LRRC28: variants seen among roughly 807,000 people sequenced by gnomAD.
LRRC28 encodes leucine rich repeat containing 28.
In LRRC28, 39 loss-of-function variants were observed where a neutral mutation model predicts 45.7. The observed-to-expected ratio is 0.85, with a 90% CI of 0.66 to 1.12. LRRC28 has a LOEUF of 1.12. Ranked by LOEUF, LRRC28 falls within the 50% of genes most tolerant of loss-of-function variation. LRRC28 has a pLI of 0.00. For synonymous variants in LRRC28, 206 were observed against 178.8 expected, an observed-to-expected ratio of 1.15 and a Z score of -1.22; for missense variants, 435 against 438.5, an observed-to-expected ratio of 0.99 and a Z score of 0.07.
chr15:99,339,714 G>GA (rs552093424), intron 6 of LRRC28, among the ~76,000 whole-genome samples: 20,531 of 133,888 alleles, frequency 0.15, 1,823 homozygotes, highest in African/African-American at 0.28. Flanking sequence ...AACAGAGTGA[G>GA]AAAAAAAAAA....
chr15:99,312,296 T>G (rs1459725919), intron 5 of LRRC28, among the ~76,000 whole-genome samples: 2 of 152,180 alleles, frequency 1.3e-5, no homozygotes, highest in Non-Finnish European at 2.9e-5. Context: ...TATAGGCAAT[T>G]ATAACACAAT....
rs113040519 is a variant in LRRC28, at chr15:99,259,629, G to A, written c.168+3504G>A. 6.1e-6 allele frequency: 9 copies of A among 1,484,036 alleles called. No individual in the cohort carries two copies. In the Admixed American group the frequency reaches 1.0e-4, roughly 17 times the overall value. 91.9% of individuals were successfully genotyped at this position (1,484,036 alleles called of 1,614,324 possible). ...GCACAAGCGTACCAAACGGGCAAGGGCATCTCTACAAATTACCATGCGAGT... is the reference window on the plus strand; with the variant it reads ...GCACAAGCGTACCAAACGGGCAAGGACATCTCTACAAATTACCATGCGAGT... On this transcript the variant is annotated intron_variant, in intron 2 of 9. Coordinates refer to ENST00000301981, the MANE Select transcript of LRRC28 (RefSeq NM_144598.5).
intron 3 of LRRC28, among the ~76,000 whole-genome samples, chr15:99,282,020 G>A (rs182085964): frequency 6.6e-5 from 10 of 151,958 alleles, no homozygotes; most frequent in African/African-American, 2.4e-4. Flanking sequence ...TTGAATTCTT[G>A]TCCTCAAGTG....
intron 9 of LRRC28, among the ~76,000 whole-genome samples, chr15:99,378,217 G>A (rs946814972): frequency 3.3e-5 from 5 of 152,108 alleles, no homozygotes; most frequent in East Asian, 1.9e-4. Flanking sequence ...CTTTTATTTC[G>A]TTGAGCAGTG....
At chr15:99,381,105 T>C (rs1358018415) in intron 9 of LRRC28, among the ~76,000 whole-genome samples, 3 of 152,226 alleles carry the variant, frequency 2.0e-5, no homozygotes, top group Non-Finnish European at 2.9e-5. Flanking sequence ...GAATTTCTCC[T>C]GGATAATATC....
rs1567671328 is a variant in LRRC28, at chr15:99,333,535, A to G, written c.386-388A>G. 12 of 200,730 alleles carry G rather than the reference A, an allele frequency of 6.0e-5. No individual in the cohort carries two copies. The South Asian group carries it at 1.2e-3, about 20-fold the overall frequency. The allele number at this position is 200,730 out of a possible 1,614,324, so 12.4% of individuals were successfully genotyped here. A position where few individuals can be genotyped will look rare whatever the true frequency, so the allele number is the denominator to read the frequency against. ...AATCTCCTATTTTCTTCTTAGATGG[A>G]TGGTAAAATCACACAAGTGGCAAAA... On this transcript the variant is annotated intron_variant, in intron 5 of 9. Coordinates refer to ENST00000301981, the MANE Select transcript of LRRC28 (RefSeq NM_144598.5).
At chr15:99,352,328 G>A (rs1956908047) in intron 6 of LRRC28, 41 bp from the exon 7 acceptor site, 2 of 1,254,654 alleles carry the variant, frequency 1.6e-6, no homozygotes, top group Admixed American at 3.5e-5. Context: ...TTATAATGGT[G>A]CCTGTATATA....
At chr15:99,263,855 A>G (rs2081264902) in intron 2 of LRRC28, among the ~76,000 whole-genome samples, 1 of 150,216 alleles carries the variant, frequency 6.7e-6, no homozygotes, top group African/African-American at 2.5e-5. Context: ...ACATCATGGA[A>G]CAGCTGCTGC....
chr15:99,287,108 A>G (rs1480021161), intron 3 of LRRC28, 149 bp from the exon 4 acceptor site: 1 of 542,684 alleles, frequency 1.8e-6, no homozygotes. Flanking sequence ...AGCTGTGATA[A>G]CCATTATTGT....
chr15:99,359,029 C>G (rs1160911346), intron 7 of LRRC28, among the ~76,000 whole-genome samples: 1 of 151,588 alleles, frequency 6.6e-6, no homozygotes, highest in Non-Finnish European at 1.5e-5. Flanking sequence ...GAGTTGAGAT[C>G]ACAGACTGTA....
chr15:99,390,117 C>CA lies in LRRC28; in HGVS notation c.*4024dup, dbSNP rs144619066. 9,340 of 151,608 alleles carry CA rather than the reference C, an allele frequency of 0.062. 364 individuals carry two copies. The highest frequency in any genetic ancestry group is 0.094 in the Non-Finnish European group (6,365 of 67,898). 9.4% of individuals were successfully genotyped at this position (151,608 alleles called of 1,614,324 possible). The stretch of plus-strand genomic sequence containing the variant: ...TGGGCAACAGAGCGAGACTCCGTCT[C>CA]AAAAAAAAATCATTCAAGTTTCACT... On this transcript the variant is annotated 3_prime_UTR_variant, in exon 10 of 10. Coordinates refer to ENST00000301981, the MANE Select transcript of LRRC28 (RefSeq NM_144598.5).
intron 2 of LRRC28, among the ~76,000 whole-genome samples, chr15:99,273,489 G>A (rs909070447): frequency 2.6e-5 from 4 of 152,152 alleles, no homozygotes; most frequent in South Asian, 2.1e-4. Flanking sequence ...TGCCCGCCTC[G>A]GCCTCCCAAA....
Position 99,363,126 on chromosome 15 carries a change from A to T in LRRC28, c.892A>T (p.Ile298Phe), listed in dbSNP as rs751800945. 1.9e-6 allele frequency: 3 copies of T among 1,609,986 alleles called. No homozygotes were observed. In the African/African-American group the frequency reaches 4.0e-5, roughly 22 times the overall value. Residue 298 changes from isoleucine to phenylalanine, a missense_variant, in exon 9 of 10, where the codon ATC (isoleucine) becomes TTC (phenylalanine). Ile to Phe is a conservative substitution (Grantham distance 21). Coordinates refer to ENST00000301981, the MANE Select transcript of LRRC28 (RefSeq NM_144598.5). ...LLKDLNFLSP[I>F]SLPRSLLELL... ...TCCAGATTTGAACTTTCTGTCTCCA[A>T]TCTCATTACCCAGAAGTCTCCTAGA...
At chr15:99,375,943 A>C (rs1299496536) in intron 9 of LRRC28, among the ~76,000 whole-genome samples, 1 of 151,774 alleles carries the variant, frequency 6.6e-6, no homozygotes, top group Admixed American at 6.6e-5. Context: ...ATTATTTACT[A>C]TTCTTCTGCT....
At chr15:99,275,539 G>T (rs1369162861) in intron 2 of LRRC28, among the ~76,000 whole-genome samples, 1 of 152,186 alleles carries the variant, frequency 6.6e-6, no homozygotes, top group Admixed American at 6.5e-5. Context: ...GGATATATTA[G>T]TTTTTCAGGG....
At chr15:99,356,927 T>C (rs1272080335) in intron 7 of LRRC28, among the ~76,000 whole-genome samples, 16 of 152,226 alleles carry the variant, frequency 1.1e-4, no homozygotes, top group Non-Finnish European at 4.4e-5. Flanking sequence ...CTCAGAATTA[T>C]ATAAATACAT....
chr15:99,258,557 G>A, intron 2 of LRRC28: 6 of 736,940 alleles, frequency 8.1e-6, no homozygotes, highest in Non-Finnish European at 1.5e-5. Flanking sequence ...CTGCAGTAGA[G>A]GAAGAAGAAG....
rs1456119917 is a variant in LRRC28 at position 99,386,562 on chromosome 15, G to A, written c.*460G>A. 1 of 153,600 alleles carries A rather than the reference G, an allele frequency of 6.5e-6. No homozygotes were observed. Among genetic ancestry groups the A allele is most frequent in the Non-Finnish European group, 1.4e-5 (1 of 69,050 alleles). 9.5% of individuals were successfully genotyped at this position (153,600 alleles called of 1,614,324 possible). Reference sequence around the variant, plus strand: ...CTCCAGTGGAAACTTGTCAGTTTTTGAGGAGTTTCAGCAAACCCCGTGGCC... The same window carrying A: ...CTCCAGTGGAAACTTGTCAGTTTTTAAGGAGTTTCAGCAAACCCCGTGGCC... On this transcript the variant is annotated 3_prime_UTR_variant, in exon 10 of 10. Transcript: ENST00000301981.
In LRRC28 at chr15:99,389,602, C is replaced by T. The variant is rs1399132088; in HGVS notation, c.*3500C>T. ...TAAAATTTGAGATGTAAATTCATTT[C>T]ACAGACTCATAAACACACTCTCTTT... On this transcript the variant is annotated 3_prime_UTR_variant, in exon 10 of 10. Coordinates refer to ENST00000301981, the MANE Select transcript of LRRC28 (RefSeq NM_144598.5). The T allele has an allele frequency of 6.6e-6, 1 of 152,172 alleles. No individual in the cohort carries two copies. The highest frequency in any genetic ancestry group is 1.5e-5 in the Non-Finnish European group (1 of 68,036). The allele number at this position is 152,172 out of a possible 1,614,324, so 9.4% of individuals were successfully genotyped here.
Sources: gnomAD v4.1 joint callset for allele counts (sites outside exome capture counted in the v4.1 genomes callset) on GRCh38, gnomAD v4.1.1 for gene constraint, MANE v1.5 for transcripts, NCBI Gene and HGNC (gene_info 2026-07-23, HGNC 2026-07-21) for gene names.